FMC1: variants seen among roughly 807,000 people sequenced by gnomAD.
FMC1 encodes protein FMC1 homolog.
In FMC1, 6 loss-of-function variants were observed where a neutral mutation model predicts 10.5. The ratio of observed to expected loss-of-function variants is 0.57; its 90% CI spans 0.31 to 1.12. FMC1 has a LOEUF of 1.12. Among genes scored for constraint, FMC1 ranks in the 50% most tolerant of loss-of-function variants. FMC1 has a pLI of 0.05. For missense variants in FMC1, 146 were observed against 151.7 expected (o/e 0.96, Z 0.20); for synonymous variants, 59 against 62.1 (o/e 0.95, Z 0.24).
rs1415784095 is a variant in FMC1 at position 139,341,424 on chromosome 7, C to T, written c.40C>T (p.Leu14Phe). 6.2e-7 allele frequency: 1 copy of T among 1,613,580 alleles called. No homozygotes were observed. The highest frequency in any genetic ancestry group is 1.1e-5 in the South Asian group (1 of 91,084). Reference sequence around the variant, plus strand: ...GTCCCCGTCGCACACTTTTCGAGGACTTCTGCGGGAGTTGCGCTACCTGAG... The same window carrying T: ...GTCCCCGTCGCACACTTTTCGAGGATTTCTGCGGGAGTTGCGCTACCTGAG... ...LGSPSHTFRG[L>F]LRELRYLSAA... Residue 14 changes from leucine to phenylalanine, a missense_variant, in exon 1 of 2, where the codon CTT (leucine) becomes TTT (phenylalanine). Physicochemically the swap from Leu to Phe is conservative, Grantham distance 22 (BLOSUM62 0). Coordinates refer to ENST00000297534, the MANE Select transcript of FMC1 (RefSeq NM_197964.5).
chr7:139,345,375 A>G, intron 1 of FMC1, 126 bp from the exon 2 acceptor site: 1 of 1,386,770 alleles, frequency 7.2e-7, no homozygotes, highest in Non-Finnish European at 9.7e-7. Context: ...ACATGTATAT[A>G]CATACATGTC....
Position 139,345,387 on chromosome 7 carries a change from G to C in FMC1, c.139-114G>C. 4.8e-6 allele frequency: 7 copies of C among 1,453,058 alleles called. No individual in the cohort carries two copies. In the South Asian group the frequency reaches 9.5e-5, roughly 20 times the overall value. The allele number at this position is 1,453,058 out of a possible 1,614,324, so 90.0% of individuals were successfully genotyped here. A position where few individuals can be genotyped will look rare whatever the true frequency, so the allele number is the denominator to read the frequency against. ...TATACATGTATATACATACATGTCT[G>C]TATTTCCTCTGTGCAATTTACTTTC... On this transcript the variant is annotated intron_variant, in intron 1 of 1. Transcript: ENST00000297534.
intron 1 of FMC1, 148 bp downstream of exon 1, chr7:139,341,670 C>T (rs938343020): frequency 7.2e-7 from 1 of 1,384,502 alleles, no homozygotes; most frequent in Non-Finnish European, 9.5e-7. Context: ...CCAACCCAGG[C>T]CCTAGGCTCC....
intron 1 of FMC1, among the ~76,000 whole-genome samples, chr7:139,342,017 T>C (rs1214464047): frequency 6.6e-6 from 1 of 152,214 alleles, no homozygotes. Context: ...GGAAACTTGC[T>C]GCCCTTGAGC....
At position 139,343,025 on chromosome 7, in the gene FMC1, G is replaced by A. The variant is rs534380652; in HGVS notation, c.138+1503G>A. Among the ~76,000 whole-genome samples the A allele has an allele frequency of 4.5e-4, 68 of 152,290 alleles. 1 individual carries two copies. The highest frequency in any genetic ancestry group is 6.5e-4 in the Non-Finnish European group (44 of 68,030). ...GAGAAACCTACCCTTTCTCCACAGG[G>A]AAAATACAGTGTTCTATTTCATTTG... is the stretch of plus-strand genomic sequence containing the variant. On this transcript the variant is annotated intron_variant, in intron 1 of 1. Transcript: ENST00000297534.
chr7:139,341,595 A>G (rs1798968768), intron 1 of FMC1, 73 bp downstream of exon 1: 1 of 1,561,364 alleles, frequency 6.4e-7, no homozygotes, highest in South Asian at 1.2e-5. Context: ...TAGGGTGGGG[A>G]GCACGGTGTT....
intron 1 of FMC1, among the ~76,000 whole-genome samples, 194 bp downstream of exon 1, chr7:139,341,716 C>CG (rs372855450): frequency 0.016 from 2,368 of 150,290 alleles, 20 homozygotes; most frequent in Non-Finnish European, 0.024. Flanking sequence ...AAAGGACCAG[C>CG]GGGGGGGGGC....
chr7:139,345,545 C>G lies in FMC1; in HGVS notation c.183C>G (p.Phe61Leu), dbSNP rs761236858. The change falls in exon 2 of 2, where the codon TTC (phenylalanine) becomes TTG (leucine). Residue 61 changes from phenylalanine (F) to leucine (L), a missense_variant. By Grantham distance (22) the Phe-to-Leu change is conservative. Transcript: ENST00000297534. ...GCAGAGCCCAACATGAGCTTCATTT[C>G]CAAGCTGCCACCTATCTCTGCCTCC... ...KLCRAQHELH[F>L]QAATYLCLLR... The G allele has an allele frequency of 2.5e-6, 4 of 1,614,044 alleles. No individual in the cohort carries two copies. In the East Asian group the frequency reaches 8.9e-5, roughly 36 times the overall value.
rs10265 is a variant in FMC1, at chr7:139,341,406, T to G, written c.22T>G (p.Ser8Ala). MAALGSP[S>A]HTFRGLLREL... The stretch of plus-strand genomic sequence containing the variant: ...GACAATGGCGGCCTTAGGGTCCCCG[T>G]CGCACACTTTTCGAGGACTTCTGCG... The change falls in exon 1 of 2, where the codon TCG becomes GCG. Residue 8 changes from serine to alanine, a missense_variant. By Grantham distance (99) the Ser-to-Ala change is moderately conservative. Coordinates refer to ENST00000297534, the MANE Select transcript of FMC1 (RefSeq NM_197964.5). The G allele has an allele frequency of 0.26, 422,041 of 1,612,914 alleles. 67,631 individuals carry two copies. The highest frequency in any genetic ancestry group is 0.79 in the African/African-American group (59,239 of 74,998).
intron 1 of FMC1, among the ~76,000 whole-genome samples, chr7:139,344,367 C>G (rs905311156): frequency 1.3e-5 from 2 of 152,070 alleles, no homozygotes; most frequent in Non-Finnish European, 2.9e-5. Context: ...TGCAATATAA[C>G]CTATGCACAT....
At chr7:139,343,397 A>G (rs1466391348) in intron 1 of FMC1, among the ~76,000 whole-genome samples, 1 of 152,232 alleles carries the variant, frequency 6.6e-6, no homozygotes, top group Non-Finnish European at 1.5e-5. Flanking sequence ...AACATAGTGT[A>G]GTGAGACTTC....
In FMC1 at chr7:139,345,775, T is replaced by C. The variant is rs529497368; in HGVS notation, c.*71T>C. The C allele has an allele frequency of 3.7e-5, 54 of 1,441,554 alleles. 1 individual carries two copies. The South Asian group carries it at 7.5e-4, about 20-fold the overall frequency. 89.3% of individuals were successfully genotyped at this position (1,441,554 alleles called of 1,614,324 possible). On this transcript the variant is annotated 3_prime_UTR_variant, in exon 2 of 2. Coordinates refer to ENST00000297534, the MANE Select transcript of FMC1 (RefSeq NM_197964.5). ...AATTTCTATCAATATGTATTTATCATTAAATTTTTTTTAAGTTTAAGGTTT... is the reference window on the plus strand; with the variant it reads ...AATTTCTATCAATATGTATTTATCACTAAATTTTTTTTAAGTTTAAGGTTT...
chr7:139,343,702 C>T (rs73154122), intron 1 of FMC1, among the ~76,000 whole-genome samples: 3,154 of 152,186 alleles, frequency 0.021, 35 homozygotes, highest in South Asian at 0.051. Flanking sequence ...TGGGAGGAGG[C>T]GGCAGGTGGA....
Position 139,345,761 on chromosome 7 carries a change from A to G in FMC1, c.*57A>G, listed in dbSNP as rs1799243486. On this transcript the variant is annotated 3_prime_UTR_variant, in exon 2 of 2. Coordinates refer to ENST00000297534, the MANE Select transcript of FMC1 (RefSeq NM_197964.5). Reference sequence around the variant, plus strand: ...TAGGAGAATTGAATAATTTCTATCAATATGTATTTATCATTAAATTTTTTT... The same window carrying G: ...TAGGAGAATTGAATAATTTCTATCAGTATGTATTTATCATTAAATTTTTTT... The G allele has an allele frequency of 2.0e-6, 3 of 1,505,974 alleles. No individual in the cohort carries two copies. Among genetic ancestry groups the G allele is most frequent in the Admixed American group, 4.6e-5 (2 of 43,486 alleles). The allele number at this position is 1,505,974 out of a possible 1,614,324, so 93.3% of individuals were successfully genotyped here.
chr7:139,344,266 T>C (rs1799149245), intron 1 of FMC1, among the ~76,000 whole-genome samples: 1 of 152,174 alleles, frequency 6.6e-6, no homozygotes, highest in Non-Finnish European at 1.5e-5. Flanking sequence ...TCAGTAACTG[T>C]GGGGACTGGT....
At chr7:139,344,912 A>G (rs1364346698) in intron 1 of FMC1, 1 of 144,830 alleles carries the variant, frequency 6.9e-6, no homozygotes. Context: ...ACAGGGTTTC[A>G]CCGTGTTAGC....
chr7:139,343,717 T>C (rs1299715851), intron 1 of FMC1, among the ~76,000 whole-genome samples: 1 of 152,082 alleles, frequency 6.6e-6, no homozygotes, highest in Non-Finnish European at 1.5e-5. Context: ...GGTGGATCGC[T>C]TGTGCCCAGG....
chr7:139,340,509 G>C (rs983357593), upstream of FMC1: 9 of 398,448 alleles, frequency 2.3e-5, no homozygotes, highest in Non-Finnish European at 4.0e-5. Flanking sequence ...CATCGGTGCA[G>C]TTTCGAGGGT....
chr7:139,343,005 A>C (rs1268369398), intron 1 of FMC1, among the ~76,000 whole-genome samples: 1 of 152,106 alleles, frequency 6.6e-6, no homozygotes, highest in African/African-American at 2.4e-5. Context: ...TTAGGGAGAA[A>C]CCTACCCTTT....
Sources: gnomAD v4.1 joint callset for allele counts (sites outside exome capture counted in the v4.1 genomes callset) on GRCh38, gnomAD v4.1.1 for gene constraint, MANE v1.5 for transcripts, NCBI Gene and HGNC (gene_info 2026-07-23, HGNC 2026-07-21) for gene names.